The following CLPB variants were observed in gnomAD, a reference collection of about 807,000 sequenced individuals.
CLPB encodes the protein ClpB family mitochondrial disaggregase.
Under a neutral mutation model 78.4 loss-of-function variants are expected in CLPB, and 40 were observed. The ratio of observed to expected loss-of-function variants is 0.51; its 90% CI spans 0.40 to 0.66. The LOEUF is 0.66. CLPB is among the 30% of genes least tolerant of loss of function. The pLI is 0.00. For synonymous variants in CLPB, 333 were observed against 348.0 expected, an observed-to-expected ratio of 0.96 and a Z score of 0.48; for missense variants, 780 against 886.9, an observed-to-expected ratio of 0.88 and a Z score of 1.53.
intron 2 of CLPB, among the ~76,000 whole-genome samples, chr11:72,423,983 G>A (rs1445025350): frequency 1.3e-5 from 2 of 152,180 alleles, no homozygotes; most frequent in Non-Finnish European, 2.9e-5. Context: ...TCATTTACCA[G>A]AAGCTTTGAT....
chr11:72,406,922 G>A (rs1167644901), intron 2 of CLPB, among the ~76,000 whole-genome samples: 1 of 151,924 alleles, frequency 6.6e-6, no homozygotes, highest in Non-Finnish European at 1.5e-5. Context: ...GTGTGTATGT[G>A]TATAAAATTC....
chr11:72,367,104 C>A (rs1164036901), intron 4 of CLPB, among the ~76,000 whole-genome samples: 1 of 152,104 alleles, frequency 6.6e-6, no homozygotes, highest in East Asian at 1.9e-4. Context: ...CAGCTAGAAG[C>A]CATCATCCTA....
chr11:72,407,032 G>A (rs754537287), intron 2 of CLPB, among the ~76,000 whole-genome samples: 3 of 152,028 alleles, frequency 2.0e-5, no homozygotes, highest in African/African-American at 4.8e-5. Flanking sequence ...AACTCCCCAC[G>A]GTGTGTGTCC....
chr11:72,342,796 G>C (rs1030825997), intron 5 of CLPB, among the ~76,000 whole-genome samples: 1 of 152,228 alleles, frequency 6.6e-6, no homozygotes, highest in African/African-American at 2.4e-5. Context: ...CTGGGGCACA[G>C]CCACAGTCTC....
chr11:72,381,485 C>T (rs1180272666), intron 3 of CLPB, among the ~76,000 whole-genome samples: 1 of 152,160 alleles, frequency 6.6e-6, no homozygotes, highest in East Asian at 1.9e-4. Flanking sequence ...TCTGGGCCCA[C>T]CTTAACATGA....
In CLPB at chr11:72,434,258, G is replaced by GC. The variant is rs752731849; in HGVS notation, c.216dup (p.Arg73AlafsTer120). ...TTGGTATCGAAGCGTCCTCCCTGGC[G>GC]CCCCCCGGTGGCTGCCCCACGTCCG... On this transcript the variant is annotated frameshift_variant, in exon 1 of 16. Coordinates refer to ENST00000538039, the MANE Select transcript of CLPB (RefSeq NM_001258392.3). LOFTEE classifies it high-confidence loss of function. 8 of 1,613,162 alleles carry GC rather than the reference G, an allele frequency of 5.0e-6. No individual in the cohort carries two copies.
chr11:72,382,196 C>T (rs1203186661), intron 3 of CLPB, among the ~76,000 whole-genome samples: 1 of 152,178 alleles, frequency 6.6e-6, no homozygotes, highest in Non-Finnish European at 1.5e-5. Context: ...TCCAGACCCA[C>T]TCCAACAGAT....
chr11:72,430,227 T>G (rs1017943244), intron 2 of CLPB, 85 bp downstream of exon 2: 2 of 1,336,230 alleles, frequency 1.5e-6, no homozygotes, highest in Non-Finnish European at 1.1e-6. Context: ...AAGGATTTCC[T>G]CCAAAGCAAA....
chr11:72,347,601 C>T (rs867432819), intron 5 of CLPB, among the ~76,000 whole-genome samples: 1 of 152,048 alleles, frequency 6.6e-6, no homozygotes, highest in African/African-American at 2.4e-5. Flanking sequence ...GAATTTTGTA[C>T]TATGTACAAG....
chr11:72,404,972 TCTC>T (rs1855664883), intron 2 of CLPB, among the ~76,000 whole-genome samples: 2 of 152,176 alleles, frequency 1.3e-5, no homozygotes, highest in African/African-American at 2.4e-5. Flanking sequence ...AAAAACCTCT[TCTC>T]CTTGTTTAGC....
At chr11:72,351,841 G>A (rs937707274) in intron 5 of CLPB, among the ~76,000 whole-genome samples, 2 of 152,028 alleles carry the variant, frequency 1.3e-5, no homozygotes, top group African/African-American at 4.8e-5. Flanking sequence ...AAAGTGCTGG[G>A]ATTACAGGCA....
In CLPB at chr11:72,293,396, G is replaced by A; in HGVS notation, c.2005C>T (p.His669Tyr). The A allele has an allele frequency of 6.2e-7, 1 of 1,614,146 alleles. No homozygotes were observed. The highest frequency in any genetic ancestry group is 8.5e-7 in the Non-Finnish European group (1 of 1,180,008). Residue 669 changes from histidine to tyrosine, a missense_variant, in exon 16 of 16, where the codon CAC becomes TAC. Physicochemically the swap from His to Tyr is moderately conservative, Grantham distance 83 (BLOSUM62 2). Transcript: ENST00000538039. The part of the protein sequence containing the change: ...TRRLDIRAPL[H>Y]PEKVCNTI Reference sequence around the variant, plus strand: ...ATGGTGTTGCACACCTTCTCAGGGTGCAGTGGTGCCCGGATGTCCAGTCTG... The same window carrying A: ...ATGGTGTTGCACACCTTCTCAGGGTACAGTGGTGCCCGGATGTCCAGTCTG...
At chr11:72,389,855 G>A (rs1250266947) in intron 3 of CLPB, among the ~76,000 whole-genome samples, 17 of 152,136 alleles carry the variant, frequency 1.1e-4, no homozygotes, top group Admixed American at 1.1e-3. Flanking sequence ...CGAGGCTGCA[G>A]TGAGCTGTGG....
At position 72,377,224 on chromosome 11, in the gene CLPB, G is replaced by A. The variant is rs117085251; in HGVS notation, c.646+3057C>T. Among the ~76,000 whole-genome samples, 780 of 152,294 alleles carry A rather than the reference G, an allele frequency of 5.1e-3. 12 individuals are homozygous for A. In the East Asian group the frequency reaches 0.055, roughly 11 times the overall value. ...GGTTGGTAGAATTACACCTGAGAAT[G>A]CTGAATAATGCATCAAAATTATCCT... On this transcript the variant is annotated intron_variant, in intron 4 of 15. Coordinates refer to ENST00000538039, the MANE Select transcript of CLPB (RefSeq NM_001258392.3).
At chr11:72,380,224 GC>G (rs1415826073) in intron 4 of CLPB, 56 bp downstream of exon 4, 10 of 1,309,372 alleles carry the variant, frequency 7.6e-6, no homozygotes, top group Non-Finnish European at 1.1e-5. Flanking sequence ...ACAGAGCAAG[GC>G]TGCATGAAAG....
At chr11:72,423,409 T>C (rs1185458458) in intron 2 of CLPB, among the ~76,000 whole-genome samples, 1 of 152,234 alleles carries the variant, frequency 6.6e-6, no homozygotes, top group Non-Finnish European at 1.5e-5. Flanking sequence ...CCATTTATAT[T>C]CATTCATTTA....
chr11:72,297,640 TG>T, intron 11 of CLPB, among the ~76,000 whole-genome samples: 1 of 33,078 alleles, frequency 3.0e-5, no homozygotes, highest in African/African-American at 3.7e-4. Flanking sequence ...GGACCAGGTG[TG>T]TGTGTGTGTG....
At chr11:72,294,231 C>T in intron 14 of CLPB, 94 bp downstream of exon 14, 3 of 1,607,228 alleles carry the variant, frequency 1.9e-6, no homozygotes, top group African/African-American at 2.7e-5. Context: ...CACTGTGCTC[C>T]ACCTTTTATG....
At chr11:72,422,265 C>CA (rs71469431) in intron 2 of CLPB, among the ~76,000 whole-genome samples, 2,965 of 24,618 alleles carry the variant, frequency 0.12, 662 homozygotes, top group African/African-American at 0.26. Context: ...GACTCCGTCT[C>CA]AAAAAAAAAA....
Sources: allele counts gnomAD v4.1 joint callset (sites outside exome capture counted in the v4.1 genomes callset), GRCh38; gene constraint gnomAD v4.1.1; transcripts MANE v1.5; gene names NCBI Gene and HGNC (gene_info 2026-07-23, HGNC 2026-07-21).